Variants in SNRPN observed in about 807,000 individuals in gnomAD.
SNRPN encodes the protein small nuclear ribonucleoprotein polypeptide N.
A neutral mutation model predicts 25.2 loss-of-function variants in SNRPN; 7 were observed. The ratio of observed to expected loss-of-function variants is 0.28; its 90% CI spans 0.16 to 0.52. The LOEUF is 0.52. Ranked by LOEUF, SNRPN falls within the 20% of genes least tolerant of loss-of-function variation. The pLI is 0.96. For synonymous variants in SNRPN, 124 were observed against 110.6 expected, an observed-to-expected ratio of 1.12 and a Z score of -0.76; for missense variants, 196 against 322.5, an observed-to-expected ratio of 0.61 and a Z score of 3.00.
At chr15:24,955,096 G>T (rs372122281) in intron 1 of SNRPN, 34 bp downstream of exon 1, 1 of 1,613,508 alleles carries the variant, frequency 6.2e-7, no homozygotes, top group Non-Finnish European at 8.5e-7. Flanking sequence ...TCAAGAGACA[G>T]CCTGGGGAGC....
At chr15:24,973,995 C>T (rs2076774528) in intron 3 of SNRPN, among the ~76,000 whole-genome samples, 2 of 151,994 alleles carry the variant, frequency 1.3e-5, no homozygotes, top group African/African-American at 4.8e-5. Flanking sequence ...TAATTCTGAA[C>T]TAGAGAGAGA....
chr15:24,970,129 A>G (rs2076216517), intron 3 of SNRPN, among the ~76,000 whole-genome samples: 1 of 152,232 alleles, frequency 6.6e-6, no homozygotes, highest in South Asian at 2.1e-4. Context: ...TACAGCGTAG[A>G]CAATCAGATG....
At chr15:24,918,566 A>G (rs1468508212) in intron 2 of SNRPN, among the ~76,000 whole-genome samples, 1 of 86,096 alleles carries the variant, frequency 1.2e-5, no homozygotes. Flanking sequence ...ATAACATAAT[A>G]TATATGTATA....
chr15:24,908,698 T>A (rs1264164210), intron 2 of SNRPN, among the ~76,000 whole-genome samples: 15 of 54,892 alleles, frequency 2.7e-4, no homozygotes, highest in Non-Finnish European at 6.2e-5. Context: ...AGTTACAAGT[T>A]TTTTTCTAGT....
intron 1 of SNRPN, among the ~76,000 whole-genome samples, chr15:24,883,917 A>G (rs1273712226): frequency 1.3e-5 from 2 of 151,204 alleles, no homozygotes; most frequent in African/African-American, 2.4e-5. Flanking sequence ...GAGGCACGAG[A>G]ATTGCTTGAG....
Position 24,977,924 on chromosome 15 carries a change from A to G in SNRPN, c.559+8A>G. The stretch of plus-strand genomic sequence containing the variant: ...GAGCAACCCCACCTCCAGGTAAGGG[A>G]TTGGTGAACACGAAGACGAACTTGA... On this transcript the variant is annotated splice_region_variant and intron_variant, in intron 8 of 9. Coordinates refer to ENST00000390687, the MANE Select transcript of SNRPN (RefSeq NM_003097.6). The G allele has an allele frequency of 6.4e-7, 1 of 1,552,138 alleles. No individual in the cohort carries two copies. Among genetic ancestry groups the G allele is most frequent in the Non-Finnish European group, 8.7e-7 (1 of 1,149,524 alleles).
At chr15:24,898,225 T>A (rs953125751) in intron 2 of SNRPN, among the ~76,000 whole-genome samples, 5 of 152,088 alleles carry the variant, frequency 3.3e-5, no homozygotes, top group Admixed American at 6.6e-5. Flanking sequence ...GCAAGCTTTT[T>A]AAAAAAAATA....
chr15:24,965,348 G>C (rs2075453104), intron 2 of SNRPN, among the ~76,000 whole-genome samples: 1 of 152,034 alleles, frequency 6.6e-6, no homozygotes, highest in African/African-American at 2.4e-5. Context: ...GACCAGCCTG[G>C]CCAACATGGT....
upstream of SNRPN, chr15:24,954,956 C>A (rs558766553): frequency 5.7e-6 from 9 of 1,573,114 alleles, no homozygotes; most frequent in Non-Finnish European, 7.8e-6. Context: ...GGGATGTGTG[C>A]GAAGCCTGCC....
intron 1 of SNRPN, among the ~76,000 whole-genome samples, chr15:24,884,910 G>C (rs2057056820): frequency 6.6e-6 from 1 of 152,080 alleles, no homozygotes; most frequent in African/African-American, 2.4e-5. Context: ...AAAAGAGAGA[G>C]TTTATTGAAA....
chr15:24,924,827 G>A (rs2060274859), intron 3 of SNRPN, among the ~76,000 whole-genome samples: 1 of 152,004 alleles, frequency 6.6e-6, no homozygotes, highest in African/African-American at 2.4e-5. Flanking sequence ...GCCCTCTTGG[G>A]AAATGTGCAG....
intron 4 of SNRPN, chr15:24,974,812 G>A (rs1183528528): frequency 4.6e-6 from 3 of 653,376 alleles, no homozygotes; most frequent in South Asian, 1.7e-5. Context: ...ACCCACCTCG[G>A]CCTCCCAAAG....
chr15:24,836,632 CA>C (rs1161409833), intron 2 of SNRPN, among the ~76,000 whole-genome samples: 1 of 152,078 alleles, frequency 6.6e-6, no homozygotes, highest in Non-Finnish European at 1.5e-5. Flanking sequence ...AGGCTGGTCT[CA>C]AACTCCTGAT....
chr15:24,937,501 T>A (rs1417357245), intron 3 of SNRPN, among the ~76,000 whole-genome samples: 1 of 152,124 alleles, frequency 6.6e-6, no homozygotes, highest in Non-Finnish European at 1.5e-5. Flanking sequence ...CTAGCCTGGA[T>A]GACAGAGCAA....
intron 2 of SNRPN, chr15:24,908,882 A>T: frequency 1.4e-6 from 1 of 733,962 alleles, no homozygotes; most frequent in African/African-American, 1.8e-5. Context: ...TGCTGTCCAT[A>T]AGTTTATTGT....
At chr15:24,936,070 A>G (rs1048571918) in intron 3 of SNRPN, among the ~76,000 whole-genome samples, 1 of 151,908 alleles carries the variant, frequency 6.6e-6, no homozygotes, top group Admixed American at 6.6e-5. Context: ...AGCCGAGATC[A>G]TGCCACTGCA....
chr15:24,831,769 T>G (rs1349396770), intron 2 of SNRPN, among the ~76,000 whole-genome samples: 1 of 152,122 alleles, frequency 6.6e-6, no homozygotes, highest in Non-Finnish European at 1.5e-5. Flanking sequence ...CATATTGTCA[T>G]GCAGATACAT....
chr15:24,854,907 G>A (rs2053242442), upstream of SNRPN, among the ~76,000 whole-genome samples: 1 of 152,034 alleles, frequency 6.6e-6, no homozygotes, highest in South Asian at 2.1e-4. Context: ...GGGAGGCTGA[G>A]GCAGGAGAAT....
intron 3 of SNRPN, among the ~76,000 whole-genome samples, chr15:24,931,370 G>A (rs12591149): frequency 0.35 from 53,774 of 152,006 alleles, 11,205 homozygotes; most frequent in Middle Eastern, 0.47. Flanking sequence ...TATTGTAATC[G>A]TGAAGAAAGT....
Sources: gnomAD v4.1 joint callset for allele counts (sites outside exome capture counted in the v4.1 genomes callset) on GRCh38, gnomAD v4.1.1 for gene constraint, MANE v1.5 for transcripts, NCBI Gene and HGNC (gene_info 2026-07-23, HGNC 2026-07-21) for gene names.